USP10: variants seen among roughly 807,000 people sequenced by gnomAD.
USP10 encodes the protein ubiquitin carboxyl-terminal hydrolase 10.
In USP10, 22 loss-of-function variants were observed where a neutral mutation model predicts 84.5. The observed-to-expected ratio is 0.26, with a 90% CI of 0.19 to 0.37. USP10 has a LOEUF of 0.37. Among genes scored for constraint, USP10 ranks in the 10% least tolerant of loss-of-function variants. USP10 has a pLI of 1.00. For missense variants in USP10, 1,019 were observed against 998.9 expected (o/e 1.02, Z -0.27); for synonymous variants, 454 against 387.6 (o/e 1.17, Z -2.01).
At chr16:84,777,477 C>T (rs1915137882) in intron 13 of USP10, among the ~76,000 whole-genome samples, 1 of 152,138 alleles carries the variant, frequency 6.6e-6, no homozygotes. Context: ...TGCTTCCTGC[C>T]CTTTCACAAG....
intron 1 of USP10, among the ~76,000 whole-genome samples, chr16:84,707,705 G>T (rs1305594554): frequency 6.6e-6 from 1 of 152,216 alleles, no homozygotes; most frequent in Non-Finnish European, 1.5e-5. Flanking sequence ...GACTTATCAG[G>T]ATCCAGTGTG....
intron 6 of USP10, 69 bp downstream of exon 6, chr16:84,759,541 G>C: frequency 1.4e-6 from 2 of 1,395,680 alleles, no homozygotes; most frequent in Middle Eastern, 1.8e-4. Flanking sequence ...AATTGAAATA[G>C]TTTAGTAAAG....
chr16:84,721,051 GC>G (rs1907742143), intron 1 of USP10, among the ~76,000 whole-genome samples: 1 of 151,802 alleles, frequency 6.6e-6, no homozygotes, highest in South Asian at 2.1e-4. Flanking sequence ...CCGCCACCAT[GC>G]CTGACTAATT....
At position 84,768,441 on chromosome 16, in the gene USP10, A is replaced by G. The variant is rs1914092115; in HGVS notation, c.1998+83A>G. ...AACACAAAATTAGGAATGAGGGGAA[A>G]TGGGTTTGAGTTATGCCTCTTAAAT... On this transcript the variant is annotated intron_variant, in intron 11 of 13. Coordinates refer to ENST00000219473, the MANE Select transcript of USP10 (RefSeq NM_005153.3). 5 of 1,359,270 alleles carry G rather than the reference A, an allele frequency of 3.7e-6. No individual in the cohort carries two copies. The East Asian group carries it at 1.3e-4, about 35-fold the overall frequency. The allele number at this position is 1,359,270 out of a possible 1,614,324, so 84.2% of individuals were successfully genotyped here.
At chr16:84,754,875 T>G (rs113701208) in intron 4 of USP10, among the ~76,000 whole-genome samples, 14,743 of 152,070 alleles carry the variant, frequency 0.097, 883 homozygotes, top group African/African-American at 0.17. Context: ...GCACAGTGGC[T>G]CACACCTGTA....
chr16:84,728,874 C>T (rs1567606582), intron 1 of USP10, among the ~76,000 whole-genome samples: 1 of 152,190 alleles, frequency 6.6e-6, no homozygotes, highest in Non-Finnish European at 1.5e-5. Flanking sequence ...TCTTGGCTCA[C>T]TGCAGCCTCC....
At chr16:84,761,161 A>C (rs1025636537) in intron 8 of USP10, among the ~76,000 whole-genome samples, 3 of 152,186 alleles carry the variant, frequency 2.0e-5, no homozygotes, top group African/African-American at 7.2e-5. Flanking sequence ...CTCTGCCCTC[A>C]GTGAGGGAAT....
In USP10 at chr16:84,768,265, C is replaced by T; in HGVS notation, c.1905C>T (p.Ile635=). 1.2e-6 allele frequency: 2 copies of T among 1,606,030 alleles called. No individual in the cohort carries two copies. The highest frequency in any genetic ancestry group is 1.7e-6 in the Non-Finnish European group (2 of 1,175,890). Residue 635 remains isoleucine (I), a synonymous_variant, in exon 11 of 14, where the codon ATC becomes ATT. Coordinates refer to ENST00000219473, the MANE Select transcript of USP10 (RefSeq NM_005153.3). ...CATTTTTCACGTTGCAGTTGGATAT[C>T]CAGTCAGACAAGATACGCACAGTCC... ...LQPFFTLQLD[I]QSDKIRTVQD...
chr16:84,750,361 C>T (rs921885204), intron 4 of USP10, among the ~76,000 whole-genome samples: 5 of 147,614 alleles, frequency 3.4e-5, no homozygotes, highest in Admixed American at 7.0e-5. Context: ...GAGCCCAGAT[C>T]GTGCCACTGC....
chr16:84,724,041 TC>T (rs1652927853), intron 1 of USP10, among the ~76,000 whole-genome samples: 1 of 152,242 alleles, frequency 6.6e-6, no homozygotes, highest in Non-Finnish European at 1.5e-5. Flanking sequence ...ACTAGGGCTA[TC>T]CCAGATAAAG....
At chr16:84,769,282 G>A (rs774296) in intron 11 of USP10, among the ~76,000 whole-genome samples, 117,788 of 152,108 alleles carry the variant, frequency 0.77, 45,724 homozygotes, top group Non-Finnish European at 0.82. Context: ...CTCTGAGTCA[G>A]AAAGAGCAAA....
At chr16:84,768,383 C>G (rs897719583) in intron 11 of USP10, 25 bp downstream of exon 11, 12 of 1,538,848 alleles carry the variant, frequency 7.8e-6, no homozygotes, top group African/African-American at 5.4e-5. Context: ...GATTTTGAAC[C>G]TTTCTACTAA....
intron 2 of USP10, among the ~76,000 whole-genome samples, chr16:84,737,669 C>G (rs1037220667): frequency 6.6e-6 from 1 of 152,214 alleles, no homozygotes; most frequent in Non-Finnish European, 1.5e-5. Context: ...CACCAGATCC[C>G]TGCTGTGCCT....
chr16:84,715,287 A>G (rs1356433017), intron 1 of USP10, among the ~76,000 whole-genome samples: 5 of 152,330 alleles, frequency 3.3e-5, no homozygotes, highest in East Asian at 1.9e-4. Flanking sequence ...TATTTCAGCT[A>G]TTGCTGTAGA....
intron 4 of USP10, among the ~76,000 whole-genome samples, chr16:84,757,883 C>T (rs995234459): frequency 6.6e-6 from 1 of 152,082 alleles, no homozygotes; most frequent in African/African-American, 2.4e-5. Flanking sequence ...GGATTAAGTC[C>T]AGCCAATTAA....
chr16:84,706,597 G>A lies in USP10; in HGVS notation c.21+6486G>A, dbSNP rs559689549. On this transcript the variant is annotated intron_variant, in intron 1 of 13. Transcript: ENST00000219473. Reference sequence around the variant, plus strand: ...CCTCTGTCACCCAGGCTGGAGTGCAGTGGCGCAATCTCGGCTCACTGCAAG... The same window carrying A: ...CCTCTGTCACCCAGGCTGGAGTGCAATGGCGCAATCTCGGCTCACTGCAAG... 4.6e-5 allele frequency among the ~76,000 whole-genome samples: 7 copies of A among 151,168 alleles called. No homozygotes were observed. In the East Asian group the frequency reaches 1.4e-3, roughly 29 times the overall value.
At chr16:84,762,846 C>G in intron 8 of USP10, 143 bp from the exon 9 acceptor site, 1 of 513,796 alleles carries the variant, frequency 1.9e-6, no homozygotes, top group East Asian at 2.8e-5. Context: ...CAAGGGAAAC[C>G]CATGTCATCA....
At chr16:84,741,578 T>G (rs57656289) in intron 3 of USP10, among the ~76,000 whole-genome samples, 15,551 of 152,266 alleles carry the variant, frequency 0.1, 953 homozygotes, top group African/African-American at 0.17. Flanking sequence ...GGAGTTCTGC[T>G]TCCCCCTCCC....
intron 4 of USP10, among the ~76,000 whole-genome samples, chr16:84,747,229 A>G (rs1911337458): frequency 2.0e-5 from 3 of 152,194 alleles, no homozygotes; most frequent in Non-Finnish European, 4.4e-5. Context: ...AAGTTAAAAT[A>G]AGCTGTTTGG....
Sources: allele counts gnomAD v4.1 joint callset (sites outside exome capture counted in the v4.1 genomes callset), GRCh38; gene constraint gnomAD v4.1.1; transcripts MANE v1.5; gene names NCBI Gene and HGNC (gene_info 2026-07-23, HGNC 2026-07-21).